Variants in GABRG3 observed in about 807,000 individuals in gnomAD.
GABRG3 encodes the protein gamma-aminobutyric acid receptor subunit gamma-3.
A neutral mutation model predicts 48.8 loss-of-function variants in GABRG3; 25 were observed. That is an observed-to-expected ratio of 0.51 (90% CI 0.37 to 0.72). The LOEUF (loss-of-function observed/expected upper bound fraction) is 0.72. Among genes scored for constraint, GABRG3 ranks in the 30% least tolerant of loss-of-function variants. The pLI is 0.00. For missense variants in GABRG3, 394 were observed against 577.9 expected, an observed-to-expected ratio of 0.68 and a Z score of 3.26; for synonymous variants, 227 against 217.6, an observed-to-expected ratio of 1.04 and a Z score of -0.38.
chr15:27,528,653 G>A lies in GABRG3; in HGVS notation c.1122+661G>A, dbSNP rs144944497. 5.3e-5 allele frequency among the ~76,000 whole-genome samples: 8 copies of A among 152,196 alleles called. No homozygotes were observed. In the East Asian group the frequency reaches 9.7e-4, roughly 18 times the overall value. On this transcript the variant is annotated intron_variant, in intron 9 of 9. Transcript: ENST00000615808. Reference sequence around the variant, plus strand: ...TCCCTGCATTCAGTTTGGTAGTCACGCAGGAAAATGAGCTCTGCAAACTTT... The same window carrying A: ...TCCCTGCATTCAGTTTGGTAGTCACACAGGAAAATGAGCTCTGCAAACTTT...
intron 3 of GABRG3, among the ~76,000 whole-genome samples, chr15:27,059,673 G>A (rs1303988942): frequency 6.6e-6 from 1 of 152,212 alleles, no homozygotes; most frequent in African/African-American, 2.4e-5. Context: ...CCAAGACTGT[G>A]GTCCTGAGAT....
At chr15:27,279,718 T>C (rs1767334342) in intron 3 of GABRG3, among the ~76,000 whole-genome samples, 1 of 152,160 alleles carries the variant, frequency 6.6e-6, no homozygotes, top group Admixed American at 6.5e-5. Flanking sequence ...TACTTATTCT[T>C]CTCTTTAAAA....
intron 3 of GABRG3, among the ~76,000 whole-genome samples, chr15:27,059,547 A>G (rs1334307995): frequency 6.6e-6 from 1 of 152,262 alleles, no homozygotes; most frequent in African/African-American, 2.4e-5. Flanking sequence ...TTGGAGATAT[A>G]GTTCCAAATC....
intron 3 of GABRG3, among the ~76,000 whole-genome samples, chr15:27,097,826 G>T (rs893442575): frequency 6.6e-6 from 1 of 152,062 alleles, no homozygotes; most frequent in Admixed American, 6.6e-5. Context: ...TACTGTCAAG[G>T]ATTTGAGAAG....
At chr15:27,224,481 C>A (rs1340303757) in intron 3 of GABRG3, among the ~76,000 whole-genome samples, 1 of 152,178 alleles carries the variant, frequency 6.6e-6, no homozygotes, top group South Asian at 2.1e-4. Context: ...CTCCCACCTG[C>A]ACTGGCAGTG....
intron 5 of GABRG3, among the ~76,000 whole-genome samples, chr15:27,340,116 G>T (rs1302859584): frequency 2.0e-5 from 3 of 152,090 alleles, no homozygotes; most frequent in Non-Finnish European, 4.4e-5. Flanking sequence ...TGCAAGGTGG[G>T]AATGACAGCA....
intron 6 of GABRG3, among the ~76,000 whole-genome samples, chr15:27,490,925 G>A (rs565047830): frequency 2.0e-4 from 24 of 119,228 alleles, no homozygotes; most frequent in Non-Finnish European, 3.4e-4. Context: ...TGCTCTTGCC[G>A]CATTTCTGTG....
chr15:27,336,588 A>G (rs1248151691), intron 5 of GABRG3, among the ~76,000 whole-genome samples: 1 of 152,248 alleles, frequency 6.6e-6, no homozygotes, highest in Non-Finnish European at 1.5e-5. Context: ...GTAGAATGAC[A>G]CAGAAAATAG....
chr15:27,056,739 G>A (rs1595497789), intron 3 of GABRG3, among the ~76,000 whole-genome samples: 2 of 152,098 alleles, frequency 1.3e-5, no homozygotes, highest in African/African-American at 4.8e-5. Flanking sequence ...TGGGAGAGGT[G>A]GTGGATGAGC....
At chr15:27,284,986 C>T (rs1250667989) in intron 3 of GABRG3, among the ~76,000 whole-genome samples, 1 of 152,068 alleles carries the variant, frequency 6.6e-6, no homozygotes, top group Non-Finnish European at 1.5e-5. Context: ...AGTCTAATGC[C>T]TGTATTATTT....
chr15:26,999,112 C>A, intron 2 of GABRG3, among the ~76,000 whole-genome samples: 1 of 148,598 alleles, frequency 6.7e-6, no homozygotes, highest in East Asian at 2.0e-4. Context: ...ATTAAACCAA[C>A]CATGGGTAGA....
chr15:27,113,524 A>G (rs1897590662), intron 3 of GABRG3, among the ~76,000 whole-genome samples: 1 of 152,142 alleles, frequency 6.6e-6, no homozygotes, highest in South Asian at 2.1e-4. Context: ...GTCATTGTCC[A>G]TCAGGGCTTT....
chr15:27,088,717 C>T (rs1177111269), intron 3 of GABRG3, among the ~76,000 whole-genome samples: 1 of 152,112 alleles, frequency 6.6e-6, no homozygotes, highest in Non-Finnish European at 1.5e-5. Context: ...TGAGAACTCA[C>T]TATGGAGAGC....
Position 27,490,883 on chromosome 15 carries a change from C to T in GABRG3, c.712+10096C>T, listed in dbSNP as rs543590667. ...GGCCCCACGTGTGGCCCTTGTCCTG[C>T]CACCACCCCCACCACCACCCCCCCT... On this transcript the variant is annotated intron_variant, in intron 6 of 9. Transcript: ENST00000615808. Among the ~76,000 whole-genome samples the T allele has an allele frequency of 2.1e-5, 3 of 143,628 alleles. No individual in the cohort carries two copies. The South Asian group carries it at 7.4e-4, about 35-fold the overall frequency. The allele number at this position is 143,628 out of a possible 152,430, so 94.2% of individuals were successfully genotyped here. A position where few individuals can be genotyped will look rare whatever the true frequency, so the allele number is the denominator to read the frequency against.
At chr15:27,263,058 C>T (rs931814020) in intron 3 of GABRG3, among the ~76,000 whole-genome samples, 2 of 152,094 alleles carry the variant, frequency 1.3e-5, no homozygotes, top group African/African-American at 4.8e-5. Context: ...GAAAGGGAAC[C>T]ATCAAAACCC....
intron 3 of GABRG3, among the ~76,000 whole-genome samples, chr15:27,151,416 C>G (rs929521609): frequency 6.6e-6 from 1 of 150,964 alleles, no homozygotes; most frequent in Non-Finnish European, 1.5e-5. Context: ...TTGTGAATAT[C>G]AATAGATGGT....
intron 2 of GABRG3, among the ~76,000 whole-genome samples, chr15:26,992,395 A>T (rs1895265180): frequency 6.6e-6 from 1 of 152,158 alleles, no homozygotes; most frequent in African/African-American, 2.4e-5. Flanking sequence ...TTGTGTTGAG[A>T]TATGTTCCTT....
At chr15:27,153,628 T>G (rs1361107587) in intron 3 of GABRG3, among the ~76,000 whole-genome samples, 1 of 152,196 alleles carries the variant, frequency 6.6e-6, no homozygotes, top group Non-Finnish European at 1.5e-5. Flanking sequence ...ATCTTTTTAT[T>G]TAGATCTTCT....
At chr15:27,221,158 G>A (rs1422124222) in intron 3 of GABRG3, among the ~76,000 whole-genome samples, 1 of 152,118 alleles carries the variant, frequency 6.6e-6, no homozygotes, top group African/African-American at 2.4e-5. Context: ...AATCTTATGA[G>A]ACGTTTGAGA....
Sources: gnomAD v4.1 joint callset for allele counts (sites outside exome capture counted in the v4.1 genomes callset) on GRCh38, gnomAD v4.1.1 for gene constraint, MANE v1.5 for transcripts, NCBI Gene and HGNC (gene_info 2026-07-23, HGNC 2026-07-21) for gene names.